Variants in PLXNA2 observed in about 807,000 individuals in gnomAD.
PLXNA2 encodes the protein plexin-A2.
In PLXNA2, 91 loss-of-function variants were observed where a neutral mutation model predicts 193.5. The observed-to-expected ratio is 0.47, with a 90% confidence interval of 0.40 to 0.56. The LOEUF is 0.56. PLXNA2 is among the 20% of genes least tolerant of loss of function. The pLI is 0.00. For synonymous variants in PLXNA2, 997 were observed against 1,027.3 expected (o/e 0.97, Z 0.56); for missense variants, 1,995 against 2,503.2 (o/e 0.80, Z 4.33).
At chr1:208,061,400 G>T (rs1252852175) in intron 12 of PLXNA2, among the ~76,000 whole-genome samples, 1 of 152,182 alleles carries the variant, frequency 6.6e-6, no homozygotes, top group Non-Finnish European at 1.5e-5. Context: ...GAAACTTAGA[G>T]TCGAGGATGA....
rs1665143541 is a variant in PLXNA2, at chr1:208,048,285, AG to A, written c.3256-2169del. Among the ~76,000 whole-genome samples, 7 of 152,282 alleles carry A rather than the reference AG, an allele frequency of 4.6e-5. No homozygotes were observed. The South Asian group carries it at 1.5e-3, about 32-fold the overall frequency. Reference sequence around the variant, plus strand: ...GGGGCAGCTTCAAAACCCAAAGATGAGGGGTAGGCCCAGGTGTGCTGAGGAT... The same window carrying A: ...GGGGCAGCTTCAAAACCCAAAGATGAGGGTAGGCCCAGGTGTGCTGAGGAT... On this transcript the variant is annotated intron_variant, in intron 17 of 31. Coordinates refer to ENST00000367033, the MANE Select transcript of PLXNA2 (RefSeq NM_025179.4).
intron 8 of PLXNA2, among the ~76,000 whole-genome samples, chr1:208,093,353 G>A (rs915639042): frequency 6.6e-6 from 1 of 152,144 alleles, no homozygotes; most frequent in Non-Finnish European, 1.5e-5. Flanking sequence ...GCAGAGTACA[G>A]GGACAGGAAT....
intron 3 of PLXNA2, among the ~76,000 whole-genome samples, chr1:208,188,640 C>T (rs1040027395): frequency 3.4e-5 from 5 of 148,330 alleles, no homozygotes; most frequent in East Asian, 2.0e-4. Context: ...ACCTGGGAGG[C>T]GGAGGTTGCA....
intron 2 of PLXNA2, among the ~76,000 whole-genome samples, 184 bp downstream of exon 2, chr1:208,216,551 T>C (rs1671135414): frequency 6.6e-6 from 1 of 152,202 alleles, no homozygotes; most frequent in Admixed American, 6.5e-5. Context: ...TCAACACACA[T>C]ATCTCAAGTA....
rs935064020 is a variant in PLXNA2 at position 208,217,751 on chromosome 1, C to T, written c.172G>A (p.Gly58Arg). 45 of 1,614,206 alleles carry T rather than the reference C, an allele frequency of 2.8e-5. No homozygotes were observed. Among genetic ancestry groups the T allele is most frequent in the Non-Finnish European group, 3.8e-5 (45 of 1,180,032 alleles). Residue 58 changes from glycine to arginine, a missense_variant, in exon 2 of 32, where the codon GGG becomes AGG. Around this residue, in one of 3 missense-constraint regions of PLXNA2, gnomAD observed 702 missense variants for 812.9 expected, o/e 0.86. Coordinates refer to ENST00000367033, the MANE Select transcript of PLXNA2 (RefSeq NM_025179.4). The surrounding 1 kb of genome is among the most constrained non-coding windows in gnomAD (Gnocchi z 4.7). ...GCCCCCACATAGACGGCCCCCGTCCCTTGGTGGACGGTCAAGTGGTTGAAG... is the reference window on the plus strand; with the variant it reads ...GCCCCCACATAGACGGCCCCCGTCCTTTGGTGGACGGTCAAGTGGTTGAAG... ...WTFNHLTVHQGTGAVYVGAIN... is the reference protein window; with the variant it reads ...WTFNHLTVHQRTGAVYVGAIN...
chr1:208,076,904 T>C (rs1213931150), intron 12 of PLXNA2, among the ~76,000 whole-genome samples: 1 of 152,248 alleles, frequency 6.6e-6, no homozygotes, highest in African/African-American at 2.4e-5. Flanking sequence ...TTTGGAAATC[T>C]GGGTGAAGGG....
At chr1:208,045,006 G>A in intron 19 of PLXNA2, 61 bp downstream of exon 19, 2 of 1,598,388 alleles carry the variant, frequency 1.3e-6, no homozygotes, top group African/African-American at 1.3e-5. Flanking sequence ...CTTTCCTTAG[G>A]ACAGATCACA....
In PLXNA2 at chr1:208,036,516, T is replaced by G. The variant is rs76594872; in HGVS notation, c.4764+1855A>C. 2.2e-3 allele frequency among the ~76,000 whole-genome samples: 328 copies of G among 152,302 alleles called. 12 individuals carry two copies. In the East Asian group the frequency reaches 0.059, roughly 27 times the overall value. ...CCGGTCAGTGGGGATAATAATTGCA[T>G]GTAGTTTGTGGTGAGAATTAAAGAA... On this transcript the variant is annotated intron_variant, in intron 26 of 31. Coordinates refer to ENST00000367033, the MANE Select transcript of PLXNA2 (RefSeq NM_025179.4).
rs1434579839 is a variant in PLXNA2 at position 208,217,153 on chromosome 1, G to A, written c.770C>T (p.Thr257Ile). Residue 257 changes from threonine to isoleucine, a missense_variant, in exon 2 of 32, where the codon ACT becomes ATT. Physicochemically the swap from Thr to Ile is moderately conservative, Grantham distance 89. Coordinates refer to ENST00000367033, the MANE Select transcript of PLXNA2 (RefSeq NM_025179.4). The surrounding 1 kb of genome is among the most constrained non-coding windows in gnomAD (Gnocchi z 4.7). ...FASGGFVYFL[T>I]VQPETPEGVA... Reference sequence around the variant, plus strand: ...ACCCTCAGGGGTCTCGGGCTGGACAGTGAGAAAGTAGACAAAGCCCCCACT... The same window carrying A: ...ACCCTCAGGGGTCTCGGGCTGGACAATGAGAAAGTAGACAAAGCCCCCACT... 3 of 1,614,122 alleles carry A rather than the reference G, an allele frequency of 1.9e-6. No individual in the cohort carries two copies. The highest frequency in any genetic ancestry group is 1.3e-5 in the African/African-American group (1 of 74,950).
chr1:208,186,453 C>T (rs1214940915), intron 3 of PLXNA2, among the ~76,000 whole-genome samples: 1 of 152,108 alleles, frequency 6.6e-6, no homozygotes, highest in Non-Finnish European at 1.5e-5. Flanking sequence ...AACCAAAACC[C>T]ACAACCACAC....
chr1:208,220,224 T>C (rs1462640872), intron 1 of PLXNA2, among the ~76,000 whole-genome samples: 1 of 152,076 alleles, frequency 6.6e-6, no homozygotes, highest in Non-Finnish European at 1.5e-5. Flanking sequence ...ACAGTTTGAA[T>C]AGTGAGTGGC....
chr1:208,136,362 G>A (rs1180633968), intron 4 of PLXNA2, among the ~76,000 whole-genome samples: 1 of 152,220 alleles, frequency 6.6e-6, no homozygotes, highest in African/African-American at 2.4e-5. Flanking sequence ...AGTACATCTA[G>A]GACATTCGGA....
chr1:208,159,898 G>A (rs1479529154), intron 3 of PLXNA2, among the ~76,000 whole-genome samples: 2 of 152,180 alleles, frequency 1.3e-5, no homozygotes, highest in Non-Finnish European at 1.5e-5. Flanking sequence ...GCACTTGGGG[G>A]ATTTTACAGC....
intron 3 of PLXNA2, among the ~76,000 whole-genome samples, chr1:208,190,683 GAC>G (rs1279583544): frequency 6.6e-6 from 1 of 152,202 alleles, no homozygotes; most frequent in East Asian, 1.9e-4. Flanking sequence ...GCAATGAAAA[GAC>G]ATCGCCAGAT....
At chr1:208,152,673 A>ACACACG (rs1553288552) in intron 3 of PLXNA2, among the ~76,000 whole-genome samples, 1 of 121,436 alleles carries the variant, frequency 8.2e-6, no homozygotes, top group South Asian at 2.9e-4. Flanking sequence ...ACACATACAC[A>ACACACG]CACACACACG....
rs111468012 is a variant in PLXNA2, at chr1:208,072,625, A to G, written c.2586+6635T>C. On this transcript the variant is annotated intron_variant, in intron 12 of 31. Transcript: ENST00000367033. Reference sequence around the variant, plus strand: ...CTCATTGGTGGGCATAGCCAAAAAAACAACCCAACTGAGTGTGATAGCTTC... The same window carrying G: ...CTCATTGGTGGGCATAGCCAAAAAAGCAACCCAACTGAGTGTGATAGCTTC... 2.1e-3 allele frequency among the ~76,000 whole-genome samples: 325 copies of G among 152,340 alleles called. 2 individuals are homozygous for G. Among genetic ancestry groups the G allele is most frequent in the African/African-American group, 7.4e-3 (307 of 41,578 alleles).
intron 29 of PLXNA2, chr1:208,029,248 A>G: frequency 7.2e-7 from 1 of 1,392,938 alleles, no homozygotes; most frequent in Non-Finnish European, 9.3e-7. Flanking sequence ...TTTGTACCCT[A>G]ATGGGGGCAC....
At chr1:208,235,445 C>T (rs1433326228) in intron 1 of PLXNA2, among the ~76,000 whole-genome samples, 2 of 152,196 alleles carry the variant, frequency 1.3e-5, no homozygotes, top group Non-Finnish European at 2.9e-5. Context: ...ACACCCTCTT[C>T]CCGGGCCTGG....
At chr1:208,219,110 T>G (rs949263119) in intron 1 of PLXNA2, among the ~76,000 whole-genome samples, 1 of 152,220 alleles carries the variant, frequency 6.6e-6, no homozygotes, top group Non-Finnish European at 1.5e-5. Context: ...TCTCTAGCCC[T>G]GACTCCTTTA....
Sources: allele counts gnomAD v4.1 joint callset (sites outside exome capture counted in the v4.1 genomes callset), GRCh38; gene constraint gnomAD v4.1.1; regional missense constraint gnomAD v4.1.1; non-coding constraint Gnocchi (gnomAD v3.1); transcripts MANE v1.5; gene names NCBI Gene and HGNC (gene_info 2026-07-23, HGNC 2026-07-21).